The following LGI2 variants were observed in gnomAD, a reference collection of about 807,000 sequenced individuals.
LGI2 encodes the protein leucine-rich repeat LGI family member 2.
In LGI2, 30 loss-of-function variants were observed where a neutral mutation model predicts 52.0. That is an observed-to-expected ratio of 0.58 (90% confidence interval 0.43 to 0.78). The LOEUF (loss-of-function observed/expected upper bound fraction) is 0.78, where lower values mean the gene tolerates loss of function less well. LGI2 is among the 30% of genes least tolerant of loss of function. LGI2 has a pLI of 0.00. For synonymous variants in LGI2, 270 were observed against 271.8 expected (o/e 0.99, Z 0.06); for missense variants, 573 against 692.5 (o/e 0.83, Z 1.94).
At position 24,999,183 on chromosome 4, in the gene LGI2, C is replaced by T. The variant is rs1179664839; in HGVS notation, c.*4268G>A. On this transcript the variant is annotated 3_prime_UTR_variant, in exon 8 of 8. Transcript: ENST00000382114. Reference sequence around the variant, plus strand: ...AGATTTTGATACAAGCAATGGAATACAGTAAGGATAATAATAACTTGGTTT... The same window carrying T: ...AGATTTTGATACAAGCAATGGAATATAGTAAGGATAATAATAACTTGGTTT... 1 of 152,136 alleles carries T rather than the reference C, an allele frequency of 6.6e-6. No homozygotes were observed. The highest frequency in any genetic ancestry group is 1.5e-5 in the Non-Finnish European group (1 of 68,040). 9.4% of individuals were successfully genotyped at this position (152,136 alleles called of 1,614,324 possible). A position where few individuals can be genotyped will look rare whatever the true frequency, so the allele number is the denominator to read the frequency against.
At chr4:25,015,394 A>G (rs987293314) in intron 6 of LGI2, among the ~76,000 whole-genome samples, 1 of 152,224 alleles carries the variant, frequency 6.6e-6, no homozygotes, top group African/African-American at 2.4e-5. Flanking sequence ...TGAGGTGGTT[A>G]AAAATAGACT....
At chr4:24,994,839 A>G (rs1375702939), downstream of LGI2, among the ~76,000 whole-genome samples, 1 of 152,156 alleles carries the variant, frequency 6.6e-6, no homozygotes, top group African/African-American at 2.4e-5. Flanking sequence ...TGTCTCTGAG[A>G]TATCATGGAT....
Position 25,003,411 on chromosome 4 carries a change from A to G in LGI2, c.*40T>C, listed in dbSNP as rs780639795. On this transcript the variant is annotated 3_prime_UTR_variant, in exon 8 of 8. Coordinates refer to ENST00000382114, the MANE Select transcript of LGI2 (RefSeq NM_018176.4). ...ATTTTTCTTGGTCCTCTTTTGTGAGAGCTAATGCTACATTTCTCTTAGTTT... is the reference window on the plus strand; with the variant it reads ...ATTTTTCTTGGTCCTCTTTTGTGAGGGCTAATGCTACATTTCTCTTAGTTT... 5 of 1,378,844 alleles carry G rather than the reference A, an allele frequency of 3.6e-6. No homozygotes were observed. The Admixed American group carries it at 6.9e-5, about 19-fold the overall frequency. The allele number at this position is 1,378,844 out of a possible 1,614,324, so 85.4% of individuals were successfully genotyped here.
the LGI2 span, among the ~76,000 whole-genome samples, chr4:24,993,796 G>C: frequency 1.3e-5 from 2 of 152,140 alleles, no homozygotes; most frequent in Non-Finnish European, 2.9e-5. Context: ...CCATCGGAGG[G>C]TTTTACTGGG....
intron 7 of LGI2, among the ~76,000 whole-genome samples, chr4:25,007,028 G>A (rs73107562): frequency 0.017 from 2,588 of 152,162 alleles, 68 homozygotes; most frequent in African/African-American, 0.059. Flanking sequence ...TGGGGTTTAC[G>A]TTATCCATAG....
chr4:24,999,040 T>C lies in LGI2; in HGVS notation c.*4411A>G, dbSNP rs1433568161. On this transcript the variant is annotated 3_prime_UTR_variant, in exon 8 of 8. Coordinates refer to ENST00000382114, the MANE Select transcript of LGI2 (RefSeq NM_018176.4). ...TCTTATTTTACCTAGGTTATGCACT[T>C]AAAATACATACAAATGGTACCAAAT... The C allele has an allele frequency of 6.6e-6, 1 of 152,208 alleles. No individual in the cohort carries two copies. Among genetic ancestry groups the C allele is most frequent in the African/African-American group, 2.4e-5 (1 of 41,460 alleles). The allele number at this position is 152,208 out of a possible 1,614,324, so 9.4% of individuals were successfully genotyped here. A position where few individuals can be genotyped will look rare whatever the true frequency, so the allele number is the denominator to read the frequency against.
chr4:25,022,041 G>A (rs1725981996), intron 4 of LGI2, among the ~76,000 whole-genome samples: 1 of 151,910 alleles, frequency 6.6e-6, no homozygotes, highest in South Asian at 2.1e-4. Flanking sequence ...CAGGAAGTAT[G>A]TCCTGCTGGC....
At chr4:24,993,048 C>A in the LGI2 span, among the ~76,000 whole-genome samples, 1 of 152,202 alleles carries the variant, frequency 6.6e-6, no homozygotes, top group Non-Finnish European at 1.5e-5. Context: ...AGTTCCTTAA[C>A]TTCTCTGTGC....
chr4:25,003,616 C>T lies in LGI2; in HGVS notation c.1473G>A (p.Gln491=). 1 of 1,614,152 alleles carries T rather than the reference C, an allele frequency of 6.2e-7. No individual in the cohort carries two copies. The highest frequency in any genetic ancestry group is 8.5e-7 in the Non-Finnish European group (1 of 1,180,018). ...TGAATAGCTGCTTCTCTTTATCCCA[C>T]TGGTATATCTGAGAGAATGTATAGT... ...GSDYTFSQIY[Q]WDKEKQLFKK... The change falls in exon 8 of 8, where the codon CAG becomes CAA. Residue 491 remains glutamine, a synonymous_variant. Transcript: ENST00000382114.
At chr4:25,007,881 C>T (rs934406584) in intron 7 of LGI2, among the ~76,000 whole-genome samples, 13 of 152,210 alleles carry the variant, frequency 8.5e-5, no homozygotes, top group African/African-American at 3.1e-4. Flanking sequence ...CTGCCCTTGT[C>T]AACTTGGGGA....
At chr4:25,021,930 CAAA>C (rs35526176) in intron 4 of LGI2, among the ~76,000 whole-genome samples, 16 of 76,566 alleles carry the variant, frequency 2.1e-4, no homozygotes, top group South Asian at 4.7e-4. Context: ...GATTCCATCT[CAAA>C]AAAAAAAAAA....
In LGI2 at chr4:25,012,518, A is replaced by C; in HGVS notation, c.656-19T>G. On this transcript the variant is annotated intron_variant, in intron 6 of 7. Coordinates refer to ENST00000382114, the MANE Select transcript of LGI2 (RefSeq NM_018176.4). ...ACAAAATCTGGGGATGGGTGTTTAA[A>C]AAGAAAAGCGTTCATAAAATCTCCT... 6.2e-7 allele frequency: 1 copy of C among 1,611,264 alleles called. No homozygotes were observed. The highest frequency in any genetic ancestry group is 8.5e-7 in the Non-Finnish European group (1 of 1,177,904).
At chr4:25,025,057 T>C (rs921111398) in intron 3 of LGI2, among the ~76,000 whole-genome samples, 166 bp from the exon 4 acceptor site, 16 of 152,210 alleles carry the variant, frequency 1.1e-4, no homozygotes, top group Admixed American at 2.6e-4. Context: ...TAGCAGGATG[T>C]ATGCAAAAAT....
At chr4:25,028,384 G>A (rs1704684031) in intron 2 of LGI2, 123 bp downstream of exon 2, 1 of 800,688 alleles carries the variant, frequency 1.2e-6, no homozygotes, top group Non-Finnish European at 2.1e-6. Context: ...CCAAGAGGCA[G>A]CCACGGTCTC....
chr4:25,018,695 C>G (rs1725851107), intron 5 of LGI2, among the ~76,000 whole-genome samples: 1 of 152,086 alleles, frequency 6.6e-6, no homozygotes, highest in Non-Finnish European at 1.5e-5. Context: ...AACCCCGTCT[C>G]TACTAAAAAT....
At chr4:25,011,081 CA>C (rs35953611) in intron 7 of LGI2, among the ~76,000 whole-genome samples, 2,626 of 136,844 alleles carry the variant, frequency 0.019, 62 homozygotes, top group African/African-American at 0.064. Context: ...GAGCCTGTCT[CA>C]AAAAAAAAAA....
chr4:25,026,814 G>T (rs368206357), intron 3 of LGI2, 54 bp downstream of exon 3: 10 of 1,416,390 alleles, frequency 7.1e-6, no homozygotes, highest in African/African-American at 1.4e-5. Flanking sequence ...AACCAATCCA[G>T]AAATTCTACC....
chr4:25,008,334 C>G (rs924214005), intron 7 of LGI2, among the ~76,000 whole-genome samples: 5 of 152,072 alleles, frequency 3.3e-5, no homozygotes, highest in Non-Finnish European at 7.4e-5. Flanking sequence ...GGGTGAATCA[C>G]CTGAGGTCAG....
chr4:25,028,651 C>A, intron 1 of LGI2, 73 bp from the exon 2 acceptor site: 1 of 1,278,650 alleles, frequency 7.8e-7, no homozygotes, highest in Non-Finnish European at 1.1e-6. Context: ...GGTAATCAAA[C>A]TCTGCCTCCA....
Sources: allele counts gnomAD v4.1 joint callset (sites outside exome capture counted in the v4.1 genomes callset), GRCh38; gene constraint gnomAD v4.1.1; transcripts MANE v1.5; gene names NCBI Gene and HGNC (gene_info 2026-07-23, HGNC 2026-07-21).